The following SHE variants were observed in gnomAD, a reference collection of about 807,000 sequenced individuals.
SHE encodes the protein SH2 domain-containing adapter protein E.
SHE carries 11 observed loss-of-function variants against 49.8 expected under a neutral mutation model. The observed-to-expected ratio is 0.22, with a 90% CI of 0.14 to 0.37. The LOEUF (loss-of-function observed/expected upper bound fraction) is 0.37. Among genes scored for constraint, SHE ranks in the 10% least tolerant of loss-of-function variants. SHE has a pLI of 1.00. For missense variants in SHE, 624 were observed against 655.5 expected, an observed-to-expected ratio of 0.95 and a Z score of 0.52; for synonymous variants, 310 against 278.1, an observed-to-expected ratio of 1.11 and a Z score of -1.14.
chr1:154,501,341 T>A, intron 1 of SHE, 95 bp downstream of exon 1: 2 of 1,163,046 alleles, frequency 1.7e-6, no homozygotes. Context: ...AAACCTATCC[T>A]CACTGCCTCT....
intron 2 of SHE, among the ~76,000 whole-genome samples, 154 bp from the exon 3 acceptor site, chr1:154,489,510 G>A (rs1363155794): frequency 6.6e-6 from 1 of 152,212 alleles, no homozygotes; most frequent in Non-Finnish European, 1.5e-5. Flanking sequence ...CTCCCTGATA[G>A]GTTGATTACT....
At position 154,486,039 on chromosome 1, in the gene SHE, C is replaced by A; in HGVS notation, c.1205G>T (p.Arg402Leu). Residue 402 changes from arginine (R) to leucine (L), a missense_variant, in exon 5 of 6, where the codon CGT (arginine) becomes CTT (leucine). Around this residue, in one of 4 missense-constraint regions of SHE, gnomAD observed 125 missense variants for 181.7 expected, o/e 0.69. Transcript: ENST00000304760. ...KQPWYHGAISRAEAESRLQPC... is the reference protein window; with the variant it reads ...KQPWYHGAISLAEAESRLQPC... ...CTGTAGTCGACTCTCAGCCTCAGCA[C>A]GGCTGATGGCACCATGATACCAGCT... 1 of 1,613,570 alleles carries A rather than the reference C, an allele frequency of 6.2e-7. No individual in the cohort carries two copies. The highest frequency in any genetic ancestry group is 8.5e-7 in the Non-Finnish European group (1 of 1,179,498).
chr1:154,491,969 G>A (rs754574293), intron 2 of SHE, among the ~76,000 whole-genome samples: 7 of 152,048 alleles, frequency 4.6e-5, no homozygotes, highest in Admixed American at 1.3e-4. Context: ...CCGCAGGGCC[G>A]CAGACACAAA....
At position 154,501,493 on chromosome 1, in the gene SHE, G is replaced by A. The variant is rs918875472; in HGVS notation, c.534C>T (p.Ser178=). 2.5e-6 allele frequency: 4 copies of A among 1,614,198 alleles called. No individual in the cohort carries two copies. Among genetic ancestry groups the A allele is most frequent in the Non-Finnish European group, 1.7e-6 (2 of 1,180,034 alleles). ...CCAGCTCGGGCCCCAGGGAGGAAGG[G>A]GAAGAGGACGCGGAGGAAGAGGAGC... ...SSSSSSSASS[S]PSSLGPELDK... Residue 178 remains serine, a synonymous_variant, in exon 1 of 6, where the codon TCC becomes TCT. Coordinates refer to ENST00000304760, the MANE Select transcript of SHE (RefSeq NM_001010846.3).
chr1:154,489,132 G>A lies in SHE; in HGVS notation c.943C>T (p.Pro315Ser). 6.2e-7 allele frequency: 1 copy of A among 1,613,776 alleles called. No individual in the cohort carries two copies. The highest frequency in any genetic ancestry group is 8.5e-7 in the Non-Finnish European group (1 of 1,179,828). The change falls in exon 3 of 6, where the codon CCC (proline) becomes TCC (serine). Residue 315 changes from proline to serine, a missense_variant. Pro to Ser is a moderately conservative substitution (Grantham distance 74, BLOSUM62 -1). Coordinates refer to ENST00000304760, the MANE Select transcript of SHE (RefSeq NM_001010846.3). Reference sequence around the variant, plus strand: ...GCCGCGGGCCTCTCGTCGTTCTCGGGCAGCCGGCTGTCTGGGGGCCGCGCC... The same window carrying A: ...GCCGCGGGCCTCTCGTCGTTCTCGGACAGCCGGCTGTCTGGGGGCCGCGCC... The part of the protein sequence containing the change: ...GKARPPDSRL[P>S]ENDERPAAEY...
chr1:154,485,857 C>G (rs193104995), intron 5 of SHE, 86 bp downstream of exon 5: 2 of 1,517,276 alleles, frequency 1.3e-6, no homozygotes, highest in East Asian at 4.6e-5. Context: ...TGTGAAACAC[C>G]TTCACAGTAT....
rs750879932 is a variant in SHE at position 154,489,032 on chromosome 1, C to T, written c.1024+19G>A. ...AAGACTGAAGTCACACTGGGGCGGG[C>T]CTGGCCTGGCGCCCTCACCTGACAG... On this transcript the variant is annotated intron_variant, in intron 3 of 5. Coordinates refer to ENST00000304760, the MANE Select transcript of SHE (RefSeq NM_001010846.3). The T allele has an allele frequency of 6.5e-7, 1 of 1,537,454 alleles. No homozygotes were observed. The highest frequency in any genetic ancestry group is 1.3e-5 in the South Asian group (1 of 78,330).
downstream of SHE, among the ~76,000 whole-genome samples, chr1:154,477,408 G>A (rs913824275): frequency 1.3e-5 from 2 of 151,886 alleles, no homozygotes; most frequent in Non-Finnish European, 2.9e-5. Flanking sequence ...GTTTCACCAC[G>A]TTGCCCGGGC....
At position 154,479,840 on chromosome 1, in the gene SHE, T is replaced by C. The variant is rs1557794090; in HGVS notation, c.*4309A>G. Reference sequence around the variant, plus strand: ...CCTTAGTCCAGGGACCTTGTGATGATAGTTGTATTAGACTTCAAAACACCC... The same window carrying C: ...CCTTAGTCCAGGGACCTTGTGATGACAGTTGTATTAGACTTCAAAACACCC... On this transcript the variant is annotated 3_prime_UTR_variant, in exon 6 of 6. Coordinates refer to ENST00000304760, the MANE Select transcript of SHE (RefSeq NM_001010846.3). The C allele has an allele frequency of 7.1e-6, 7 of 985,326 alleles. No homozygotes were observed. Among genetic ancestry groups the C allele is most frequent in the Middle Eastern group, 5.2e-4 (1 of 1,936 alleles). The allele number at this position is 985,326 out of a possible 1,614,324, so 61.0% of individuals were successfully genotyped here.
rs570084680 is a variant in SHE at position 154,497,428 on chromosome 1, A to G, written c.718+1684T>C. On this transcript the variant is annotated intron_variant, in intron 2 of 5. Transcript: ENST00000304760. ...TCAGCAATTACATTTCTCATTATGG[A>G]TGGAAGACTGTTTAAGGAAAACTAG... 7.2e-5 allele frequency among the ~76,000 whole-genome samples: 11 copies of G among 152,374 alleles called. No individual in the cohort carries two copies. The South Asian group carries it at 2.3e-3, about 32-fold the overall frequency.
chr1:154,489,879 G>GTTCATCT (rs1196956897), intron 2 of SHE, among the ~76,000 whole-genome samples: 13 of 152,134 alleles, frequency 8.5e-5, no homozygotes, highest in Non-Finnish European at 2.9e-5. Context: ...GCCCACAGCT[G>GTTCATCT]GACACGATCA....
Position 154,486,000 on chromosome 1 carries a change from G to C in SHE, c.1244C>G (p.Ala415Gly). 6.2e-7 allele frequency: 1 copy of C among 1,614,154 alleles called. No individual in the cohort carries two copies. The highest frequency in any genetic ancestry group is 8.5e-7 in the Non-Finnish European group (1 of 1,179,996). Residue 415 changes from alanine (A) to glycine (G), a missense_variant, in exon 5 of 6, where the codon GCT becomes GGT. By Grantham distance (60) the Ala-to-Gly change is moderately conservative (BLOSUM62 0). Transcript: ENST00000304760. ...CTCACTATTTCGAACCAGGTAACCA[G>C]CTTCTTTGCAGGGCTGTAGTCGACT... Reference protein sequence around the residue: ...AESRLQPCKEAGYLVRNSESG... With the variant: ...AESRLQPCKEGGYLVRNSESG...
intron 2 of SHE, among the ~76,000 whole-genome samples, chr1:154,494,909 A>G (rs756023604): frequency 7.9e-5 from 12 of 152,142 alleles, no homozygotes; most frequent in Non-Finnish European, 1.6e-4. Context: ...AAAATTAGCC[A>G]GGTGTGGTGG....
chr1:154,480,645 T>C lies in SHE; in HGVS notation c.*3504A>G. ...TTCCAACAGCAAAGAATAAAGGCTT[T>C]CTAAAATGCTTAAGAAAGTGCTTTG... On this transcript the variant is annotated 3_prime_UTR_variant, in exon 6 of 6. Coordinates refer to ENST00000304760, the MANE Select transcript of SHE (RefSeq NM_001010846.3). The C allele has an allele frequency of 2.0e-6, 2 of 985,442 alleles. No individual in the cohort carries two copies. Among genetic ancestry groups the C allele is most frequent in the Non-Finnish European group, 2.4e-6 (2 of 829,936 alleles). 61.0% of individuals were successfully genotyped at this position (985,442 alleles called of 1,614,324 possible).
chr1:154,481,466 T>C lies in SHE; in HGVS notation c.*2683A>G. The C allele has an allele frequency of 1.0e-6, 1 of 985,452 alleles. No individual in the cohort carries two copies. Among genetic ancestry groups the C allele is most frequent in the Non-Finnish European group, 1.2e-6 (1 of 829,934 alleles). The allele number at this position is 985,452 out of a possible 1,614,324, so 61.0% of individuals were successfully genotyped here. A position where few individuals can be genotyped will look rare whatever the true frequency, so the allele number is the denominator to read the frequency against. On this transcript the variant is annotated 3_prime_UTR_variant, in exon 6 of 6. Transcript: ENST00000304760. ...TATAGAAGAAGCATAATACTGGGCA[T>C]ATGACAGAAGCTCAATAAATACTTA...
intron 1 of SHE, among the ~76,000 whole-genome samples, chr1:154,500,680 C>A (rs1016448486): frequency 2.0e-5 from 3 of 152,292 alleles, no homozygotes; most frequent in Admixed American, 2.0e-4. Context: ...GGAGTCCCTT[C>A]CTATGTTCAC....
chr1:154,482,557 T>C lies in SHE; in HGVS notation c.*1592A>G, dbSNP rs541056329. 3.6e-5 allele frequency: 35 copies of C among 985,468 alleles called. No individual in the cohort carries two copies. The South Asian group carries it at 1.6e-3, about 44-fold the overall frequency. The allele number at this position is 985,468 out of a possible 1,614,324, so 61.0% of individuals were successfully genotyped here. On this transcript the variant is annotated 3_prime_UTR_variant, in exon 6 of 6. Coordinates refer to ENST00000304760, the MANE Select transcript of SHE (RefSeq NM_001010846.3). Reference sequence around the variant, plus strand: ...GCTACAAAGGTTAACTTTTCATTGATGACAGTCAGTACATTTGCATATGGG... The same window carrying C: ...GCTACAAAGGTTAACTTTTCATTGACGACAGTCAGTACATTTGCATATGGG...
Position 154,486,515 on chromosome 1 carries a change from G to A in SHE, c.1181+12C>T, listed in dbSNP as rs371524801. On this transcript the variant is annotated intron_variant, in intron 4 of 5. Coordinates refer to ENST00000304760, the MANE Select transcript of SHE (RefSeq NM_001010846.3). ...CTGTTGTCTGTTACAAGGATCTGAGGAGGAGACTCACGGCTGCTTCTCCAG... is the reference window on the plus strand; with the variant it reads ...CTGTTGTCTGTTACAAGGATCTGAGAAGGAGACTCACGGCTGCTTCTCCAG... The A allele has an allele frequency of 1.3e-4, 216 of 1,613,734 alleles. No homozygotes were observed. The highest frequency in any genetic ancestry group is 2.2e-4 in the Admixed American group (13 of 60,024).
Position 154,479,929 on chromosome 1 carries a change from A to T in SHE, c.*4220T>A. ...TGTGTCATCATTTTCCCTTTTCTGGACTGTATCAGAAATCCTTCAGAAAGC... is the reference window on the plus strand; with the variant it reads ...TGTGTCATCATTTTCCCTTTTCTGGTCTGTATCAGAAATCCTTCAGAAAGC... On this transcript the variant is annotated 3_prime_UTR_variant, in exon 6 of 6. Coordinates refer to ENST00000304760, the MANE Select transcript of SHE (RefSeq NM_001010846.3). 3 of 985,372 alleles carry T rather than the reference A, an allele frequency of 3.0e-6. No individual in the cohort carries two copies. In the South Asian group the frequency reaches 1.4e-4, roughly 46 times the overall value. 61.0% of individuals were successfully genotyped at this position (985,372 alleles called of 1,614,324 possible). A position where few individuals can be genotyped will look rare whatever the true frequency, so the allele number is the denominator to read the frequency against.
Sources: allele counts gnomAD v4.1 joint callset (sites outside exome capture counted in the v4.1 genomes callset), GRCh38; gene constraint gnomAD v4.1.1; regional missense constraint gnomAD v4.1.1; transcripts MANE v1.5; gene names NCBI Gene and HGNC (gene_info 2026-07-23, HGNC 2026-07-21).